Variants in OXR1 observed in about 807,000 individuals in gnomAD.
OXR1 encodes the protein oxidation resistance protein 1.
In OXR1, 41 loss-of-function variants were observed where a neutral mutation model predicts 104.6. The observed-to-expected ratio is 0.39, with a 90% CI of 0.31 to 0.51. OXR1 has a LOEUF of 0.51. Ranked by LOEUF, OXR1 falls within the 20% of genes least tolerant of loss-of-function variation. The pLI, the probability that OXR1 is intolerant of heterozygous loss-of-function variation, is 0.77. For synonymous variants in OXR1, 348 were observed against 348.4 expected (o/e 1.00, Z 0.01); for missense variants, 955 against 1,031.9 (o/e 0.93, Z 1.02).
intron 3 of OXR1, chr8:106,657,872 G>C (rs1369459095): frequency 1.6e-6 from 2 of 1,241,440 alleles, no homozygotes; most frequent in African/African-American, 1.6e-5. Flanking sequence ...TGAGGCGCGC[G>C]GAGCCGCCTC....
chr8:106,282,292 G>A (rs1109960), intron 1 of OXR1, among the ~76,000 whole-genome samples: 50,253 of 152,020 alleles, frequency 0.33, 11,715 homozygotes, highest in African/African-American at 0.67. Context: ...TTTGTCACCA[G>A]TAGAAGTCAC....
chr8:106,302,443 C>T (rs1027370790), intron 1 of OXR1, among the ~76,000 whole-genome samples: 35 of 151,696 alleles, frequency 2.3e-4, no homozygotes, highest in Non-Finnish European at 3.4e-4. Context: ...AAATTAAGCC[C>T]GGCGTGGTGG....
intron 7 of OXR1, chr8:106,697,810 G>A: frequency 6.2e-7 from 1 of 1,612,110 alleles, no homozygotes; most frequent in Non-Finnish European, 8.5e-7. Flanking sequence ...GGGGTACAGT[G>A]CATTATTGAG....
At chr8:106,306,616 C>T (rs1192572118) in intron 1 of OXR1, among the ~76,000 whole-genome samples, 1 of 151,948 alleles carries the variant, frequency 6.6e-6, no homozygotes, top group African/African-American at 2.4e-5. Context: ...TACTGTTATA[C>T]ACAAAAACAT....
At chr8:106,296,711 C>T (rs148666927) in intron 1 of OXR1, among the ~76,000 whole-genome samples, 6 of 152,260 alleles carry the variant, frequency 3.9e-5, no homozygotes, top group African/African-American at 7.2e-5. Flanking sequence ...CTGTCATGCT[C>T]TCCTTGGACA....
intron 3 of OXR1, among the ~76,000 whole-genome samples, chr8:106,618,857 T>C (rs187893093): frequency 2.0e-4 from 31 of 151,940 alleles, no homozygotes; most frequent in Admixed American, 1.6e-3. Flanking sequence ...AGGCAAGAAA[T>C]AGGAGGATTT....
chr8:106,326,183 A>T (rs1380595611), intron 1 of OXR1, among the ~76,000 whole-genome samples: 1 of 152,214 alleles, frequency 6.6e-6, no homozygotes, highest in Non-Finnish European at 1.5e-5. Flanking sequence ...TATGTCTACC[A>T]GTCTCCCTTC....
intron 1 of OXR1, among the ~76,000 whole-genome samples, chr8:106,273,359 T>C (rs924584635): frequency 2.0e-5 from 3 of 152,206 alleles, no homozygotes; most frequent in Non-Finnish European, 4.4e-5. Context: ...TTTCTCTCAC[T>C]TTAGGGATAG....
intron 3 of OXR1, among the ~76,000 whole-genome samples, chr8:106,534,662 G>T (rs1201655165): frequency 1.3e-5 from 2 of 152,172 alleles, no homozygotes; most frequent in Non-Finnish European, 2.9e-5. Flanking sequence ...GGCTGTGTTG[G>T]TCAAGTTTGT....
chr8:106,357,984 G>A (rs925854008), intron 1 of OXR1, among the ~76,000 whole-genome samples: 5 of 152,064 alleles, frequency 3.3e-5, no homozygotes, highest in Admixed American at 6.6e-5. Context: ...CTAGATGCCC[G>A]GAATAATGGC....
chr8:106,616,006 A>G (rs1181786444), intron 3 of OXR1, among the ~76,000 whole-genome samples: 1 of 151,484 alleles, frequency 6.6e-6, no homozygotes, highest in Non-Finnish European at 1.5e-5. Flanking sequence ...AGAGAATGGA[A>G]ATTAATATCC....
At chr8:106,732,487 G>A (rs1189592321) in intron 11 of OXR1, among the ~76,000 whole-genome samples, 1 of 152,044 alleles carries the variant, frequency 6.6e-6, no homozygotes, top group Non-Finnish European at 1.5e-5. Flanking sequence ...AAAGGATCTT[G>A]TTTCTCACTA....
At chr8:106,472,597 G>A (rs143437061) in intron 2 of OXR1, among the ~76,000 whole-genome samples, 4 of 151,914 alleles carry the variant, frequency 2.6e-5, no homozygotes, top group Non-Finnish European at 5.9e-5. Flanking sequence ...CAAATTTACT[G>A]CTACAGTAAA....
intron 3 of OXR1, among the ~76,000 whole-genome samples, chr8:106,560,890 C>T (rs527994036): frequency 1.8e-4 from 27 of 152,252 alleles, no homozygotes; most frequent in South Asian, 4.1e-4. Context: ...CATCACCTTA[C>T]CCGGGAAGTG....
chr8:106,294,395 C>CAAAAAA (rs1200997871), intron 1 of OXR1, among the ~76,000 whole-genome samples: 2,136 of 70,252 alleles, frequency 0.03, 181 homozygotes, highest in African/African-American at 0.11. Flanking sequence ...GACTCTGTCT[C>CAAAAAA]AAAAAAAAAA....
intron 1 of OXR1, among the ~76,000 whole-genome samples, chr8:106,285,466 A>G (rs1812456332): frequency 6.6e-6 from 1 of 152,116 alleles, no homozygotes; most frequent in South Asian, 2.1e-4. Context: ...ATTTTGGAGT[A>G]TTGGACAGTA....
At chr8:106,672,374 C>T (rs1365388705) in intron 3 of OXR1, among the ~76,000 whole-genome samples, 1 of 151,186 alleles carries the variant, frequency 6.6e-6, no homozygotes, top group African/African-American at 2.4e-5. Flanking sequence ...GTAGTCCCAG[C>T]TACTCAGGAG....
chr8:106,646,237 C>G (rs1824070909), intron 3 of OXR1, among the ~76,000 whole-genome samples: 1 of 151,930 alleles, frequency 6.6e-6, no homozygotes, highest in African/African-American at 2.4e-5. Flanking sequence ...TCCCAAGTAG[C>G]TGGGATTACA....
At chr8:106,313,938 C>A (rs2130144174) in intron 1 of OXR1, among the ~76,000 whole-genome samples, 1 of 152,224 alleles carries the variant, frequency 6.6e-6, no homozygotes, top group African/African-American at 2.4e-5. Flanking sequence ...GAATGTTTTT[C>A]TCATCTTTTT....
Sources: allele counts gnomAD v4.1 joint callset (sites outside exome capture counted in the v4.1 genomes callset), GRCh38; gene constraint gnomAD v4.1.1; transcripts MANE v1.5; gene names NCBI Gene and HGNC (gene_info 2026-07-23, HGNC 2026-07-21).